Variants in CSGALNACT1 observed in about 807,000 individuals in gnomAD.
The protein encoded by CSGALNACT1 is chondroitin sulfate N-acetylgalactosaminyltransferase 1.
CSGALNACT1 carries 52 observed loss-of-function variants against 51.0 expected under a neutral mutation model. The observed-to-expected ratio is 1.02, with a 90% confidence interval of 0.82 to 1.29. The LOEUF (loss-of-function observed/expected upper bound fraction) is 1.29. Among genes scored for constraint, CSGALNACT1 ranks in the 50% most tolerant of loss-of-function variants. The pLI is 0.00. For synonymous variants in CSGALNACT1, 341 were observed against 254.4 expected, an observed-to-expected ratio of 1.34 and a Z score of -3.24; for missense variants, 935 against 679.2, an observed-to-expected ratio of 1.38 and a Z score of -4.19.
chr8:19,681,576 C>T (rs972453467), intron 1 of CSGALNACT1, among the ~76,000 whole-genome samples: 2 of 152,128 alleles, frequency 1.3e-5, no homozygotes, highest in African/African-American at 4.8e-5. Context: ...GACATACTGC[C>T]CAAATCTAAA....
chr8:19,720,252 G>C (rs1212934256), intron 1 of CSGALNACT1, among the ~76,000 whole-genome samples: 1 of 152,178 alleles, frequency 6.6e-6, no homozygotes, highest in African/African-American at 2.4e-5. Flanking sequence ...TCAATCCCTA[G>C]TGATGTAGGG....
In CSGALNACT1 at chr8:19,703,365, G is replaced by A. The variant is rs140469561; in HGVS notation, c.-297+54485C>T. Reference sequence around the variant, plus strand: ...GTCACCCAGGCTAGAGTGCAGCGGCGGGATCTCAGCTCACTGCAAGCTCTG... The same window carrying A: ...GTCACCCAGGCTAGAGTGCAGCGGCAGGATCTCAGCTCACTGCAAGCTCTG... On this transcript the variant is annotated intron_variant, in intron 1 of 1. Coordinates refer to the CSGALNACT1 transcript ENST00000517494. 4.6e-5 allele frequency among the ~76,000 whole-genome samples: 7 copies of A among 152,252 alleles called. No individual in the cohort carries two copies. The East Asian group carries it at 7.7e-4, about 17-fold the overall frequency.
At chr8:19,476,891 C>T (rs891807991) in intron 4 of CSGALNACT1, among the ~76,000 whole-genome samples, 1 of 152,176 alleles carries the variant, frequency 6.6e-6, no homozygotes, top group African/African-American at 2.4e-5. Context: ...TCACTCCCCT[C>T]AAGACTTTCC....
chr8:19,643,747 C>T (rs1224324818), intron 1 of CSGALNACT1, among the ~76,000 whole-genome samples: 1 of 151,768 alleles, frequency 6.6e-6, no homozygotes, highest in Non-Finnish European at 1.5e-5. Flanking sequence ...CTTGAGAAAA[C>T]ATTAGTTTTT....
chr8:19,505,154 C>A (rs779724301), intron 4 of CSGALNACT1, 47 bp downstream of exon 3: 5 of 1,610,882 alleles, frequency 3.1e-6, no homozygotes, highest in East Asian at 2.2e-5. Context: ...GCCAGGAACC[C>A]CCAATTCCTT....
intron 5 of CSGALNACT1, among the ~76,000 whole-genome samples, chr8:19,442,525 A>T (rs1250323680): frequency 2.8e-5 from 4 of 142,968 alleles, no homozygotes; most frequent in Non-Finnish European, 6.1e-5. Context: ...AACAATGAGA[A>T]CACACGGACA....
chr8:19,664,644 C>CAA (rs1355907663), intron 1 of CSGALNACT1, among the ~76,000 whole-genome samples: 1 of 140,582 alleles, frequency 7.1e-6, no homozygotes, highest in Non-Finnish European at 1.6e-5. Context: ...CACAAACACA[C>CAA]AAACACACAC....
upstream of CSGALNACT1, among the ~76,000 whole-genome samples, chr8:19,604,298 C>T (rs1313754368): frequency 3.3e-5 from 5 of 152,152 alleles, no homozygotes; most frequent in South Asian, 4.1e-4. Context: ...ACTGGACAGA[C>T]GCTCTATAGG....
chr8:19,619,821 G>A (rs1255588530), intron 1 of CSGALNACT1, among the ~76,000 whole-genome samples: 1 of 152,182 alleles, frequency 6.6e-6, no homozygotes, highest in African/African-American at 2.4e-5. Context: ...TTACTTGAGA[G>A]ATTAGAGAGT....
intron 3 of CSGALNACT1, among the ~76,000 whole-genome samples, chr8:19,568,328 G>C (rs2042303855): frequency 6.6e-6 from 1 of 152,072 alleles, no homozygotes; most frequent in South Asian, 2.1e-4. Flanking sequence ...AAGTATTTGT[G>C]TATCTAAACA....
chr8:19,424,497 C>G (rs2058470745), intron 6 of CSGALNACT1, among the ~76,000 whole-genome samples: 2 of 151,772 alleles, frequency 1.3e-5, no homozygotes, highest in African/African-American at 2.4e-5. Context: ...CTGGAAAAAC[C>G]ATGAAAAAAA....
chr8:19,692,953 C>T (rs924846190), intron 1 of CSGALNACT1, among the ~76,000 whole-genome samples: 1 of 152,200 alleles, frequency 6.6e-6, no homozygotes, highest in Non-Finnish European at 1.5e-5. Context: ...TGCTCTGAGG[C>T]CTTCAACATT....
At chr8:19,561,939 C>A (rs902608291) in intron 3 of CSGALNACT1, among the ~76,000 whole-genome samples, 1 of 152,154 alleles carries the variant, frequency 6.6e-6, no homozygotes, top group African/African-American at 2.4e-5. Flanking sequence ...CCTGATCATG[C>A]CTGCATTTCT....
At chr8:19,490,024 A>G (rs1344237876) in intron 4 of CSGALNACT1, among the ~76,000 whole-genome samples, 2 of 152,248 alleles carry the variant, frequency 1.3e-5, no homozygotes, top group Admixed American at 1.3e-4. Flanking sequence ...CACATGGGCC[A>G]GCTGCCTTCC....
intron 4 of CSGALNACT1, among the ~76,000 whole-genome samples, chr8:19,500,234 C>A (rs2076186296): frequency 1.3e-5 from 2 of 152,102 alleles, no homozygotes; most frequent in South Asian, 4.1e-4. Flanking sequence ...ACCCTTGCTT[C>A]CCTGGGGATT....
chr8:19,514,583 G>A (rs2079150488), intron 3 of CSGALNACT1, among the ~76,000 whole-genome samples: 1 of 147,494 alleles, frequency 6.8e-6, no homozygotes, highest in Non-Finnish European at 1.5e-5. Flanking sequence ...TGCTTAGGGA[G>A]GCTGAGGTGG....
At position 19,408,713 on chromosome 8, in the gene CSGALNACT1, C is replaced by T. The variant is rs2054890887; in HGVS notation, c.1228-19G>A. On this transcript the variant is annotated intron_variant, in intron 8 of 9. Transcript: ENST00000454498. The stretch of plus-strand genomic sequence containing the variant: ...TTATGACCTGCAAGAAAAGCACTGT[C>T]ATTTGAGGGGAAAGTTTAGGGTGGA... The T allele has an allele frequency of 6.2e-7, 1 of 1,611,686 alleles. No individual in the cohort carries two copies. The highest frequency in any genetic ancestry group is 8.5e-7 in the Non-Finnish European group (1 of 1,178,128).
intron 1 of CSGALNACT1, among the ~76,000 whole-genome samples, chr8:19,610,180 C>T (rs988081028): frequency 6.0e-5 from 9 of 150,556 alleles, no homozygotes; most frequent in Admixed American, 3.3e-4. Context: ...ACCCCAGCTA[C>T]TCAGGAGGCT....
intron 3 of CSGALNACT1, among the ~76,000 whole-genome samples, chr8:19,531,595 G>C (rs1459267707): frequency 1.3e-5 from 2 of 152,334 alleles, no homozygotes; most frequent in African/African-American, 4.8e-5. Flanking sequence ...CTGGGTCTCA[G>C]CTTCTCAGGT....
Sources: allele counts gnomAD v4.1 joint callset (sites outside exome capture counted in the v4.1 genomes callset), GRCh38; gene constraint gnomAD v4.1.1; transcripts MANE v1.5; gene names NCBI Gene and HGNC (gene_info 2026-07-23, HGNC 2026-07-21).